Variants in SDCBP observed in about 807,000 individuals in gnomAD.
SDCBP encodes syndecan binding protein.
A neutral mutation model predicts 30.5 loss-of-function variants in SDCBP; 22 were observed. That is an observed-to-expected ratio of 0.72 (90% confidence interval 0.52 to 1.03). The LOEUF is 1.03. Ranked by LOEUF, SDCBP falls within the 50% of genes least tolerant of loss-of-function variation. The pLI, the probability that SDCBP is intolerant of heterozygous loss-of-function variation, is 0.00. For missense variants in SDCBP, 304 were observed against 369.9 expected, an observed-to-expected ratio of 0.82 and a Z score of 1.46; for synonymous variants, 103 against 118.7, an observed-to-expected ratio of 0.87 and a Z score of 0.86.
chr8:58,554,930 G>T (rs905479039), intron 1 of SDCBP, among the ~76,000 whole-genome samples: 1 of 152,170 alleles, frequency 6.6e-6, no homozygotes, highest in African/African-American at 2.4e-5. Context: ...GCATAAAAAG[G>T]TATAAAGTAA....
At chr8:58,559,616 A>G (rs911700607) in intron 1 of SDCBP, among the ~76,000 whole-genome samples, 3 of 152,014 alleles carry the variant, frequency 2.0e-5, no homozygotes, top group African/African-American at 7.3e-5. Context: ...CCAGGCCACT[A>G]CTATTCACCA....
chr8:58,572,798 A>AT (rs1805098884), intron 4 of SDCBP, among the ~76,000 whole-genome samples: 1 of 116,738 alleles, frequency 8.6e-6, no homozygotes, highest in Non-Finnish European at 1.7e-5. Flanking sequence ...GTTGCTCATA[A>AT]TCTTTTTTTT....
chr8:58,559,646 C>T (rs901910829), intron 1 of SDCBP, among the ~76,000 whole-genome samples: 1 of 151,806 alleles, frequency 6.6e-6, no homozygotes, highest in African/African-American at 2.4e-5. Context: ...AGATTATAGC[C>T]AGAGAAATTA....
chr8:58,566,538 G>A (rs924684037), intron 2 of SDCBP, among the ~76,000 whole-genome samples: 5 of 152,166 alleles, frequency 3.3e-5, no homozygotes, highest in South Asian at 2.1e-4. Flanking sequence ...ATTAAAGAAC[G>A]TTTTATGTTC....
At chr8:58,576,759 C>T (rs1805355299) in intron 5 of SDCBP, among the ~76,000 whole-genome samples, 2 of 152,106 alleles carry the variant, frequency 1.3e-5, no homozygotes, top group Non-Finnish European at 2.9e-5. Context: ...GAGTCTTTAC[C>T]CCAATTTATA....
chr8:58,564,890 T>C (rs1804620876), intron 1 of SDCBP, 129 bp from the exon 2 acceptor site: 1 of 516,388 alleles, frequency 1.9e-6, no homozygotes, highest in Admixed American at 4.1e-5. Flanking sequence ...TATTTTTTAA[T>C]ATGTTTTGCA....
At chr8:58,569,798 T>C (rs574828709) in intron 2 of SDCBP, among the ~76,000 whole-genome samples, 8 of 152,300 alleles carry the variant, frequency 5.3e-5, no homozygotes, top group African/African-American at 1.9e-4. Context: ...TTTATAATTA[T>C]AAAGATTTTC....
chr8:58,572,297 G>C lies in SDCBP; in HGVS notation c.223G>C (p.Gly75Arg), dbSNP rs1387865016. 2.5e-6 allele frequency: 4 copies of C among 1,607,296 alleles called. No individual in the cohort carries two copies. The highest frequency in any genetic ancestry group is 2.6e-6 in the Non-Finnish European group (3 of 1,174,802). ...ACGTGCAAATGTGGCCGTGGTTTCT[G>C]GTGCACCACTTCAGGGGGTATGTAT... ...EIRANVAVVSGAPLQGQLVAR... is the reference protein window; with the variant it reads ...EIRANVAVVSRAPLQGQLVAR... The change falls in exon 4 of 9, where the codon GGT (glycine) becomes CGT (arginine). Residue 75 changes from glycine to arginine, a missense_variant. Physicochemically the swap from Gly to Arg is moderately radical, Grantham distance 125 (BLOSUM62 -2). Transcript: ENST00000260130.
At chr8:58,555,697 C>T (rs1031504006) in intron 1 of SDCBP, among the ~76,000 whole-genome samples, 1 of 151,760 alleles carries the variant, frequency 6.6e-6, no homozygotes, top group African/African-American at 2.4e-5. Context: ...ATGTATGAGC[C>T]ATCTGGAATG....
chr8:58,580,599 T>C lies in SDCBP; in HGVS notation c.833T>C (p.Ile278Thr), dbSNP rs769061064. 1 of 1,523,814 alleles carries C rather than the reference T, an allele frequency of 6.6e-7. No homozygotes were observed. 94.4% of individuals were successfully genotyped at this position (1,523,814 alleles called of 1,614,324 possible). ...ATGCCTGCTTTTATCTTTGAACATA[T>C]TATTAAGCGGTAAGTAAACAATTCC... ...TIMPAFIFEH[I>T]IKRMAPSIMK... is the part of the protein sequence containing the mutation. The change falls in exon 8 of 9, where the codon ATT becomes ACT. Residue 278 changes from isoleucine to threonine, a missense_variant. Transcript: ENST00000260130.
intron 1 of SDCBP, among the ~76,000 whole-genome samples, chr8:58,560,113 T>TC (rs1395972175): frequency 1.3e-5 from 2 of 152,014 alleles, no homozygotes; most frequent in African/African-American, 4.8e-5. Context: ...CCATGGTCCC[T>TC]CCCCCTCCCT....
chr8:58,553,950 C>T (rs927801875), intron 1 of SDCBP, among the ~76,000 whole-genome samples: 5 of 152,144 alleles, frequency 3.3e-5, no homozygotes, highest in African/African-American at 4.8e-5. Flanking sequence ...GAAGGAAATA[C>T]CCCTGAGATC....
At chr8:58,555,788 C>T (rs1441357914) in intron 1 of SDCBP, among the ~76,000 whole-genome samples, 1 of 150,686 alleles carries the variant, frequency 6.6e-6, no homozygotes, top group African/African-American at 2.4e-5. Flanking sequence ...CTTGCTCAGG[C>T]TGGTCTTGAA....
At chr8:58,570,858 T>A (rs760795357) in intron 2 of SDCBP, 29 bp from the exon 3 acceptor site, 1 of 1,510,282 alleles carries the variant, frequency 6.6e-7, no homozygotes, top group South Asian at 1.1e-5. Context: ...TATAGCATAT[T>A]GTTAGAATTT....
At chr8:58,580,305 GT>G (rs961562434) in intron 7 of SDCBP, among the ~76,000 whole-genome samples, 20 of 151,268 alleles carry the variant, frequency 1.3e-4, no homozygotes, top group East Asian at 5.8e-4. Context: ...GAAAGGAAAA[GT>G]TTTTTTTTGG....
intron 2 of SDCBP, among the ~76,000 whole-genome samples, chr8:58,567,516 A>G (rs575910505): frequency 6.6e-6 from 1 of 152,316 alleles, no homozygotes; most frequent in Non-Finnish European, 1.5e-5. Flanking sequence ...TATCACCTGA[A>G]GTCTACATAT....
At chr8:58,581,582 C>A in intron 8 of SDCBP, 104 bp from the exon 9 acceptor site, 1 of 797,358 alleles carries the variant, frequency 1.3e-6, no homozygotes, top group South Asian at 1.4e-5. Flanking sequence ...ATATTTGATG[C>A]TAACAGGTGC....
intron 6 of SDCBP, among the ~76,000 whole-genome samples, 167 bp from the exon 7 acceptor site, chr8:58,579,456 T>C (rs1433798377): frequency 6.6e-6 from 1 of 152,204 alleles, no homozygotes; most frequent in African/African-American, 2.4e-5. Flanking sequence ...AAAAAACTTT[T>C]ACACAAAGAT....
intron 4 of SDCBP, among the ~76,000 whole-genome samples, chr8:58,575,454 C>G (rs542182025): frequency 1.4e-4 from 22 of 152,296 alleles, no homozygotes; most frequent in Admixed American, 6.5e-4. Flanking sequence ...GCCCATACAA[C>G]ATGCACTTTT....
Sources: gnomAD v4.1 joint callset for allele counts (sites outside exome capture counted in the v4.1 genomes callset) on GRCh38, gnomAD v4.1.1 for gene constraint, MANE v1.5 for transcripts, NCBI Gene and HGNC (gene_info 2026-07-23, HGNC 2026-07-21) for gene names.